Variants in PLCE1 observed in about 807,000 individuals in gnomAD.
PLCE1 encodes 1-phosphatidylinositol 4,5-bisphosphate phosphodiesterase epsilon-1.
In PLCE1, 119 loss-of-function variants were observed where a neutral mutation model predicts 242.8. The observed-to-expected ratio is 0.49, with a 90% CI of 0.42 to 0.57. PLCE1 has a LOEUF of 0.57. Among genes scored for constraint, PLCE1 ranks in the 20% least tolerant of loss-of-function variants. The pLI is 0.00. For synonymous variants in PLCE1, 945 were observed against 1,017.4 expected (o/e 0.93, Z 1.35); for missense variants, 2,441 against 2,788.8 (o/e 0.88, Z 2.81).
At position 94,293,740 on chromosome 10, in the gene PLCE1, T is replaced by C. The variant is rs562664953; in HGVS notation, c.5167+101T>C. The C allele has an allele frequency of 2.3e-6, 3 of 1,320,488 alleles. No homozygotes were observed. In the East Asian group the frequency reaches 7.4e-5, roughly 32 times the overall value. The allele number at this position is 1,320,488 out of a possible 1,614,324, so 81.8% of individuals were successfully genotyped here. The stretch of plus-strand genomic sequence containing the variant: ...TTCCCTTGAATTTTTTAATTCTTTT[T>C]CCTGAACATTAATATTGTCTGAGTA... On this transcript the variant is annotated intron_variant, in intron 23 of 32. Transcript: ENST00000371380.
At chr10:94,301,073 G>A (rs1031745151) in intron 24 of PLCE1, among the ~76,000 whole-genome samples, 3 of 147,648 alleles carry the variant, frequency 2.0e-5, no homozygotes, top group Admixed American at 1.3e-4. Flanking sequence ...GGCCGGGCAC[G>A]ATGGCTTATG....
chr10:94,254,586 G>C (rs936340935), intron 10 of PLCE1, among the ~76,000 whole-genome samples: 1 of 152,158 alleles, frequency 6.6e-6, no homozygotes, highest in Non-Finnish European at 1.5e-5. Flanking sequence ...CTGCATATTA[G>C]AGCTTTTAAG....
At chr10:94,317,327 CCTTAT>C (rs1408204067) in intron 29 of PLCE1, among the ~76,000 whole-genome samples, 103 of 152,184 alleles carry the variant, frequency 6.8e-4, no homozygotes, top group African/African-American at 2.4e-3. Flanking sequence ...TAAAAACATA[CCTTAT>C]AAGATAAAGG....
At chr10:94,208,701 A>G (rs1458214154) in intron 4 of PLCE1, among the ~76,000 whole-genome samples, 2 of 152,234 alleles carry the variant, frequency 1.3e-5, no homozygotes, top group Non-Finnish European at 2.9e-5. Context: ...TCCCCTCCCC[A>G]GATCTACTGA....
chr10:94,136,674 A>G (rs1445595092), intron 3 of PLCE1, among the ~76,000 whole-genome samples: 3 of 152,240 alleles, frequency 2.0e-5, no homozygotes, highest in Non-Finnish European at 4.4e-5. Flanking sequence ...GGATTGATAC[A>G]GAAGGCCAAT....
At chr10:94,044,503 TA>T (rs1484643862) in intron 2 of PLCE1, among the ~76,000 whole-genome samples, 1 of 152,238 alleles carries the variant, frequency 6.6e-6, no homozygotes, top group Non-Finnish European at 1.5e-5. Flanking sequence ...GGTAAAACTA[TA>T]TGTTTTGTAT....
Position 94,214,833 on chromosome 10 carries a change from G to A in PLCE1, c.1810-12473G>A, listed in dbSNP as rs549794657. Among the ~76,000 whole-genome samples the A allele has an allele frequency of 2.0e-3, 298 of 152,286 alleles. 1 individual carries two copies. The highest frequency in any genetic ancestry group is 3.4e-3 in the Non-Finnish European group (231 of 68,024). On this transcript the variant is annotated intron_variant, in intron 4 of 32. Coordinates refer to ENST00000371380, the MANE Select transcript of PLCE1 (RefSeq NM_016341.4). ...AATCACAGCATGGTCTCCAAACATC[G>A]TGACCCTGCTCAGTGGCCCTGGATG...
In PLCE1 at chr10:94,304,484, C is replaced by T. The variant is rs1317035766; in HGVS notation, c.5461C>T (p.Leu1821Phe). 3 of 1,613,638 alleles carry T rather than the reference C, an allele frequency of 1.9e-6. No individual in the cohort carries two copies. Among genetic ancestry groups the T allele is most frequent in the Admixed American group, 1.7e-5 (1 of 59,994 alleles). Reference sequence around the variant, plus strand: ...TTTCTTTGTTGTTTGTTTTACAGATCTCCCTTTACATTTAAATGCTGCAAT... The same window carrying T: ...TTTCTTTGTTGTTTGTTTTACAGATTTCCCTTTACATTTAAATGCTGCAAT... ...LVALNYQTDD[L>F]PLHLNAAMFE... is the part of the protein sequence containing the mutation. Residue 1821 changes from leucine to phenylalanine, a missense_variant and splice_region_variant, in exon 25 of 33, where the codon CTC (leucine) becomes TTC (phenylalanine). By Grantham distance (22) the Leu-to-Phe change is conservative. Transcript: ENST00000371380.
At position 94,114,640 on chromosome 10, in the gene PLCE1, C is replaced by T. The variant is rs2046061424; in HGVS notation, c.1207-17534C>T. Reference sequence around the variant, plus strand: ...TACTATTATAATCTCCACATTACCCCCAAATAATCGAGAGTTCACAGTATA... The same window carrying T: ...TACTATTATAATCTCCACATTACCCTCAAATAATCGAGAGTTCACAGTATA... On this transcript the variant is annotated intron_variant, in intron 2 of 32. Coordinates refer to ENST00000371380, the MANE Select transcript of PLCE1 (RefSeq NM_016341.4). 3.3e-5 allele frequency among the ~76,000 whole-genome samples: 5 copies of T among 152,168 alleles called. No individual in the cohort carries two copies. The South Asian group carries it at 1.0e-3, about 32-fold the overall frequency.
At chr10:94,268,790 G>T in intron 16 of PLCE1, 139 bp from the exon 17 acceptor site, 1 of 677,666 alleles carries the variant, frequency 1.5e-6, no homozygotes, top group Non-Finnish European at 2.7e-6. Context: ...AAAATGCCAT[G>T]TTTGTTTTAG....
chr10:94,005,385 GA>G (rs1416739961), intron 1 of PLCE1, among the ~76,000 whole-genome samples: 3 of 152,144 alleles, frequency 2.0e-5, no homozygotes, highest in African/African-American at 7.2e-5. Flanking sequence ...TACTCGTTTT[GA>G]AATTAAGGAC....
intron 2 of PLCE1, among the ~76,000 whole-genome samples, chr10:94,035,849 G>A (rs1466518403): frequency 6.6e-6 from 1 of 152,120 alleles, no homozygotes; most frequent in Non-Finnish European, 1.5e-5. Context: ...CAAAGATGCG[G>A]ATCTTAATGA....
At position 94,223,233 on chromosome 10, in the gene PLCE1, C is replaced by CAAAAAAAAAAAAAAA. The variant is rs60764243; in HGVS notation, c.1810-4068_1810-4054dup. Reference sequence around the variant, plus strand: ...GCAACATAGTGATACTCCATCTCTACAAAAAAAAAAAAAAAAAAATTGAAT... The same window carrying CAAAAAAAAAAAAAAA: ...GCAACATAGTGATACTCCATCTCTACAAAAAAAAAAAAAAAAAAAAAAAAAAAAAAAAAATTGAAT... On this transcript the variant is annotated intron_variant, in intron 4 of 32. Coordinates refer to ENST00000371380, the MANE Select transcript of PLCE1 (RefSeq NM_016341.4). Among the ~76,000 whole-genome samples, 280 of 90,832 alleles carry CAAAAAAAAAAAAAAA rather than the reference C, an allele frequency of 3.1e-3. 17 individuals are homozygous for CAAAAAAAAAAAAAAA. The highest frequency in any genetic ancestry group is 0.013 in the African/African-American group (264 of 20,940). The allele number at this position is 90,832 out of a possible 152,430, so 59.6% of individuals were successfully genotyped here.
rs1392534255 is a variant in PLCE1, at chr10:94,330,298, T to C, written c.*2355T>C. ...GCCTACTGCCTAGGTTGCATCCCAA[T>C]TTAGTTGTTTATCACATTTTGAGGT... On this transcript the variant is annotated 3_prime_UTR_variant, in exon 33 of 33. Transcript: ENST00000371380. 6.6e-6 allele frequency: 1 copy of C among 152,224 alleles called. No homozygotes were observed. Among genetic ancestry groups the C allele is most frequent in the African/African-American group, 2.4e-5 (1 of 41,470 alleles). The allele number at this position is 152,224 out of a possible 1,614,324, so 9.4% of individuals were successfully genotyped here.
At chr10:94,180,452 A>AT (rs1422105816) in intron 4 of PLCE1, among the ~76,000 whole-genome samples, 2 of 152,118 alleles carry the variant, frequency 1.3e-5, no homozygotes, top group Non-Finnish European at 2.9e-5. Flanking sequence ...CAGATTTCAG[A>AT]TTTTTGGCTT....
chr10:94,298,337 G>A lies in PLCE1; in HGVS notation c.5168-42G>A, dbSNP rs1391017116. The stretch of plus-strand genomic sequence containing the variant: ...GGTTTATCTTTCTAAAATATTTAAA[G>A]TTTTCTACACTAATCTGCGGCTAAT... On this transcript the variant is annotated intron_variant, in intron 23 of 32. Transcript: ENST00000371380. The surrounding 1 kb of genome is among the most constrained non-coding windows in gnomAD (Gnocchi z 5.2). The A allele has an allele frequency of 6.3e-7, 1 of 1,585,154 alleles. No homozygotes were observed. The highest frequency in any genetic ancestry group is 1.7e-5 in the Admixed American group (1 of 59,808).
chr10:94,129,208 G>A (rs2046522771), intron 2 of PLCE1, among the ~76,000 whole-genome samples: 1 of 152,220 alleles, frequency 6.6e-6, no homozygotes, highest in Non-Finnish European at 1.5e-5. Flanking sequence ...ATGGATGATT[G>A]CCTATTTCAG....
intron 4 of PLCE1, among the ~76,000 whole-genome samples, chr10:94,206,506 T>G (rs2049160535): frequency 6.6e-6 from 1 of 152,228 alleles, no homozygotes. Context: ...TCAGCCCAGT[T>G]GATATGCGTA....
At chr10:94,112,033 T>C (rs1344349623) in intron 2 of PLCE1, among the ~76,000 whole-genome samples, 2 of 152,208 alleles carry the variant, frequency 1.3e-5, no homozygotes, top group Admixed American at 1.3e-4. Flanking sequence ...CTTTATGACG[T>C]GCTTTCCAGA....
Sources: allele counts gnomAD v4.1 joint callset (sites outside exome capture counted in the v4.1 genomes callset), GRCh38; gene constraint gnomAD v4.1.1; non-coding constraint Gnocchi (gnomAD v3.1); transcripts MANE v1.5; gene names NCBI Gene and HGNC (gene_info 2026-07-23, HGNC 2026-07-21).